AIG1: variants seen among roughly 807,000 people sequenced by gnomAD.
The protein encoded by AIG1 is androgen induced 1.
A neutral mutation model predicts 31.4 loss-of-function variants in AIG1; 23 were observed. The observed-to-expected ratio is 0.73, with a 90% CI of 0.53 to 1.04. The LOEUF is 1.04. Ranked by LOEUF, AIG1 falls within the 50% of genes least tolerant of loss-of-function variation. The probability of loss-of-function intolerance (pLI) is 0.00; values close to 1 mark genes in which losing one functional copy is unlikely to be tolerated. For synonymous variants in AIG1, 100 were observed against 110.5 expected (o/e 0.90, Z 0.60); for missense variants, 274 against 295.0 (o/e 0.93, Z 0.52).
At chr6:143,119,012 T>C (rs973765535) in intron 1 of AIG1, among the ~76,000 whole-genome samples, 1 of 152,136 alleles carries the variant, frequency 6.6e-6, no homozygotes, top group African/African-American at 2.4e-5. Flanking sequence ...TAGCTGGTAC[T>C]ACAAGTGTGC....
chr6:143,229,121 G>A (rs1202234165), intron 3 of AIG1, among the ~76,000 whole-genome samples: 1 of 152,214 alleles, frequency 6.6e-6, no homozygotes, highest in African/African-American at 2.4e-5. Context: ...AGTACCCTTG[G>A]ACTTGGCCTT....
At chr6:143,163,813 C>T (rs897060977) in intron 2 of AIG1, among the ~76,000 whole-genome samples, 1 of 152,120 alleles carries the variant, frequency 6.6e-6, no homozygotes, top group Admixed American at 6.6e-5. Flanking sequence ...TGTTCCCTGT[C>T]TTTCTATCTC....
chr6:143,224,268 C>T (rs1023993585), intron 3 of AIG1, among the ~76,000 whole-genome samples: 1 of 152,200 alleles, frequency 6.6e-6, no homozygotes, highest in South Asian at 2.1e-4. Context: ...ATCTTTTACC[C>T]TCCCTTTCCT....
chr6:143,213,024 G>A (rs535141617), intron 3 of AIG1, among the ~76,000 whole-genome samples: 1 of 152,186 alleles, frequency 6.6e-6, no homozygotes, highest in African/African-American at 2.4e-5. Flanking sequence ...AAAAAGCATT[G>A]TGATCCTCAA....
At chr6:143,307,251 T>C (rs894556011) in intron 4 of AIG1, among the ~76,000 whole-genome samples, 33 of 152,336 alleles carry the variant, frequency 2.2e-4, no homozygotes, top group African/African-American at 7.9e-4. Flanking sequence ...TGAGAAACTG[T>C]GTTCCTTTGG....
In AIG1 at chr6:143,339,642, T is replaced by C. The variant is rs1777766424; in HGVS notation, c.683T>C (p.Met228Thr). 1.2e-6 allele frequency: 2 copies of C among 1,613,200 alleles called. No individual in the cohort carries two copies. Among genetic ancestry groups the C allele is most frequent in the South Asian group, 1.1e-5 (1 of 90,954 alleles). Residue 228 changes from methionine (M) to threonine (T), a missense_variant, in exon 6 of 6, where the codon ATG becomes ACG. By Grantham distance (81) the Met-to-Thr change is moderately conservative. Coordinates refer to ENST00000357847, the MANE Select transcript of AIG1 (RefSeq NM_016108.4). ...NNYIWDTQKS[M>T]EEEKEKPKLE is the part of the protein sequence containing the mutation. The stretch of plus-strand genomic sequence containing the variant: ...AACACTTTGCCTGTATTTCTAGGTA[T>C]GGAAGAAGAGAAAGAAAAGCCTAAA...
At chr6:143,230,609 C>A (rs1793369029) in intron 3 of AIG1, among the ~76,000 whole-genome samples, 1 of 149,884 alleles carries the variant, frequency 6.7e-6, no homozygotes, top group African/African-American at 2.4e-5. Flanking sequence ...TAAGAATATC[C>A]TATGCATTAA....
intron 3 of AIG1, among the ~76,000 whole-genome samples, chr6:143,259,536 T>C (rs1271196473): frequency 6.6e-6 from 1 of 152,228 alleles, no homozygotes; most frequent in Admixed American, 6.5e-5. Flanking sequence ...TTAATATATA[T>C]GTATGCCTTT....
In AIG1 at chr6:143,181,496, C is replaced by G. The variant is rs138394340; in HGVS notation, c.399+16313C>G. ...TCTGTGATCATTAGTTCTAACAAGT[C>G]CAGTCCTCCCATGTTAGATTTTGCA... On this transcript the variant is annotated intron_variant, in intron 3 of 5. Coordinates refer to ENST00000357847, the MANE Select transcript of AIG1 (RefSeq NM_016108.4). 3.8e-3 allele frequency among the ~76,000 whole-genome samples: 576 copies of G among 152,248 alleles called. 3 individuals are homozygous for G. The highest frequency in any genetic ancestry group is 0.013 in the African/African-American group (550 of 41,534).
At chr6:143,287,984 T>A (rs937309223) in intron 4 of AIG1, among the ~76,000 whole-genome samples, 1 of 152,098 alleles carries the variant, frequency 6.6e-6, no homozygotes, top group African/African-American at 2.4e-5. Context: ...AAAAGAATGA[T>A]TAGGAAATCT....
chr6:143,139,401 C>T (rs993637975), intron 2 of AIG1, among the ~76,000 whole-genome samples: 12 of 151,866 alleles, frequency 7.9e-5, no homozygotes, highest in Non-Finnish European at 1.6e-4. Context: ...CTCATCACTG[C>T]GCCAGGGCCT....
At chr6:143,321,179 G>A (rs1314079603) in intron 4 of AIG1, among the ~76,000 whole-genome samples, 1 of 152,106 alleles carries the variant, frequency 6.6e-6, no homozygotes, top group Non-Finnish European at 1.5e-5. Flanking sequence ...AGGTTTTACA[G>A]GTGATGGTTA....
intron 1 of AIG1, among the ~76,000 whole-genome samples, chr6:143,074,657 AAAT>A (rs1359706349): frequency 1.3e-5 from 2 of 152,218 alleles, no homozygotes; most frequent in African/African-American, 4.8e-5. Flanking sequence ...GTGTAATTTA[AAAT>A]AATGATGTGC....
Position 143,226,894 on chromosome 6 carries a change from C to G in AIG1, c.400-57216C>G, listed in dbSNP as rs569526580. Among the ~76,000 whole-genome samples, 85 of 152,130 alleles carry G rather than the reference C, an allele frequency of 5.6e-4. 1 individual carries two copies. The highest frequency in any genetic ancestry group is 1.0e-3 in the Non-Finnish European group (71 of 68,008). On this transcript the variant is annotated intron_variant, in intron 3 of 5. Transcript: ENST00000357847. Reference sequence around the variant, plus strand: ...AGTGCCCTAAAGCAAGCTTGTCCAACCTGTGGCCCGCAGCCGACATGCAGC... The same window carrying G: ...AGTGCCCTAAAGCAAGCTTGTCCAAGCTGTGGCCCGCAGCCGACATGCAGC...
chr6:143,329,650 G>A lies in AIG1; in HGVS notation c.516-3632G>A, dbSNP rs1267261097. Among the ~76,000 whole-genome samples the A allele has an allele frequency of 7.9e-5, 12 of 151,850 alleles. No individual in the cohort carries two copies. The highest frequency in any genetic ancestry group is 2.9e-4 in the African/African-American group (12 of 41,376). On this transcript the variant is annotated intron_variant, in intron 4 of 5. Transcript: ENST00000357847. This position sits in a 1 kb window ranked among gnomAD's most constrained non-coding sequence, Gnocchi z 4.9. ...AACAAGTAGTCAGCAGATGACAGCCGGTGTGCCAAATCCAGCCCACCACCT... is the reference window on the plus strand; with the variant it reads ...AACAAGTAGTCAGCAGATGACAGCCAGTGTGCCAAATCCAGCCCACCACCT...
intron 1 of AIG1, among the ~76,000 whole-genome samples, chr6:143,134,728 G>A (rs941193883): frequency 7.9e-5 from 12 of 151,890 alleles, no homozygotes; most frequent in Admixed American, 2.0e-4. Context: ...GAAAGTGATC[G>A]CATTCAATAG....
rs1297608552 is a variant in AIG1, at chr6:143,335,115, G to A, written c.679+1670G>A. Reference sequence around the variant, plus strand: ...AGTTCCACAAAGACAGATGTTTTGTGCCAAGTAAGTATCATCCTCATTTAC... The same window carrying A: ...AGTTCCACAAAGACAGATGTTTTGTACCAAGTAAGTATCATCCTCATTTAC... On this transcript the variant is annotated intron_variant, in intron 5 of 5. Coordinates refer to ENST00000357847, the MANE Select transcript of AIG1 (RefSeq NM_016108.4). 7 of 1,430,042 alleles carry A rather than the reference G, an allele frequency of 4.9e-6. No individual in the cohort carries two copies. In the Admixed American group the frequency reaches 1.9e-4, roughly 39 times the overall value. The allele number at this position is 1,430,042 out of a possible 1,614,324, so 88.6% of individuals were successfully genotyped here.
chr6:143,316,209 A>T (rs946727216), intron 4 of AIG1, among the ~76,000 whole-genome samples: 1 of 152,070 alleles, frequency 6.6e-6, no homozygotes, highest in Non-Finnish European at 1.5e-5. Flanking sequence ...ATGGTGCAAA[A>T]TATCTGAGAA....
chr6:143,203,186 T>C (rs191717640), intron 3 of AIG1, among the ~76,000 whole-genome samples: 29 of 152,298 alleles, frequency 1.9e-4, no homozygotes, highest in African/African-American at 6.3e-4. Flanking sequence ...CTGAACAAGA[T>C]TTAATCTCTT....
Sources: allele counts gnomAD v4.1 joint callset (sites outside exome capture counted in the v4.1 genomes callset), GRCh38; gene constraint gnomAD v4.1.1; non-coding constraint Gnocchi (gnomAD v3.1); transcripts MANE v1.5; gene names NCBI Gene and HGNC (gene_info 2026-07-23, HGNC 2026-07-21).